The following DRC8 variants were observed in gnomAD, a reference collection of about 807,000 sequenced individuals.
DRC8 encodes dynein regulatory complex subunit 8, also known as dynein regulatory complex protein 8.
chr1:245,005,172 G>T, the DRC8 span, among the ~76,000 whole-genome samples: 4 of 152,064 alleles, frequency 2.6e-5, no homozygotes, highest in African/African-American at 9.6e-5. Flanking sequence ...ATGTTTTCAA[G>T]TGTTTTGTTG....
chr1:244,995,625 A>G, the DRC8 span, among the ~76,000 whole-genome samples: 306 of 152,232 alleles, frequency 2.0e-3, 7 homozygotes, highest in Admixed American at 0.019. Flanking sequence ...TGTGGATGAC[A>G]GGCATGAGAC....
At chr1:245,115,804 G>A in the DRC8 span, among the ~76,000 whole-genome samples, 1 of 152,156 alleles carries the variant, frequency 6.6e-6, no homozygotes, top group Non-Finnish European at 1.5e-5. Flanking sequence ...TGACCACCTG[G>A]GCCTGGTGCC....
the DRC8 span, among the ~76,000 whole-genome samples, chr1:245,055,377 T>C: frequency 9.8e-5 from 15 of 152,354 alleles, no homozygotes; most frequent in African/African-American, 2.2e-4. Context: ...TGGAGTACAA[T>C]TGCAGGATCA....
the DRC8 span, among the ~76,000 whole-genome samples, chr1:245,028,376 G>A: frequency 1.3e-5 from 2 of 152,094 alleles, no homozygotes; most frequent in Non-Finnish European, 2.9e-5. Context: ...ATTGTGACTG[G>A]GCTAGAATTA....
chr1:244,993,027 C>T, the DRC8 span, among the ~76,000 whole-genome samples: 1 of 152,176 alleles, frequency 6.6e-6, no homozygotes, highest in Non-Finnish European at 1.5e-5. Flanking sequence ...CTATAGGCCA[C>T]TTGACTGTAC....
the DRC8 span, among the ~76,000 whole-genome samples, chr1:245,109,573 C>T: frequency 6.6e-6 from 1 of 152,234 alleles, no homozygotes; most frequent in African/African-American, 2.4e-5. Context: ...ACTGATAATA[C>T]TGGCCGCACG....
chr1:245,059,291 T>G, the DRC8 span: 9 of 821,278 alleles, frequency 1.1e-5, no homozygotes, highest in East Asian at 1.1e-4. Context: ...TGATTTGGTT[T>G]CCTACATTAC....
the DRC8 span, among the ~76,000 whole-genome samples, chr1:244,994,780 C>A: frequency 5.0e-4 from 76 of 152,278 alleles, no homozygotes; most frequent in African/African-American, 1.7e-3. Context: ...CTGTAAGACT[C>A]ACCCTCAAAC....
At chr1:245,044,019 C>T in the DRC8 span, 4 of 152,242 alleles carry the variant, frequency 2.6e-5, no homozygotes, top group Non-Finnish European at 4.4e-5. Flanking sequence ...ATTTGTGAAG[C>T]GTTCCATATT....
the DRC8 span, among the ~76,000 whole-genome samples, chr1:245,006,005 T>C: frequency 1.3e-5 from 2 of 152,176 alleles, no homozygotes; most frequent in African/African-American, 2.4e-5. Context: ...CTACAGAGAC[T>C]TCCTGCCTAG....
the DRC8 span, among the ~76,000 whole-genome samples, chr1:245,069,765 G>C: frequency 6.6e-6 from 1 of 152,188 alleles, no homozygotes; most frequent in Non-Finnish European, 1.5e-5. Flanking sequence ...AGATGGGCTG[G>C]GCATGGGGGT....
At chr1:245,014,561 A>G in the DRC8 span, among the ~76,000 whole-genome samples, 1 of 151,162 alleles carries the variant, frequency 6.6e-6, no homozygotes, top group African/African-American at 2.4e-5. Context: ...TGTGTAAATT[A>G]TGTTGCAACC....
At chr1:245,107,211 G>A in the DRC8 span, 1 of 152,270 alleles carries the variant, frequency 6.6e-6, no homozygotes. Flanking sequence ...TGAGAGCAGC[G>A]AGGCAGGAGT....
At chr1:245,086,406 T>C in the DRC8 span, among the ~76,000 whole-genome samples, 29 of 152,356 alleles carry the variant, frequency 1.9e-4, no homozygotes, top group Middle Eastern at 3.4e-3. Flanking sequence ...TAAGTACATT[T>C]ATGCTATATA....
chr1:245,006,607 A>C, the DRC8 span, among the ~76,000 whole-genome samples: 3 of 152,070 alleles, frequency 2.0e-5, no homozygotes, highest in African/African-American at 7.2e-5. Flanking sequence ...ATGACAATGG[A>C]AATGGAAGGG....
the DRC8 span, among the ~76,000 whole-genome samples, chr1:245,041,118 C>T: frequency 2.0e-3 from 303 of 152,088 alleles, 3 homozygotes; most frequent in Middle Eastern, 0.027. Flanking sequence ...AAGTAATTTT[C>T]GAGATAAGAA....
chr1:245,066,196 C>T, the DRC8 span, among the ~76,000 whole-genome samples: 3 of 152,010 alleles, frequency 2.0e-5, no homozygotes, highest in South Asian at 2.1e-4. Context: ...TGTTTCTTTA[C>T]TGCAATTTTA....
the DRC8 span, among the ~76,000 whole-genome samples, chr1:245,023,590 T>C: frequency 6.6e-6 from 1 of 152,222 alleles, no homozygotes; most frequent in Non-Finnish European, 1.5e-5. Flanking sequence ...GTTGTTTCTC[T>C]AATAACCATC....
At chr1:245,039,052 T>G in the DRC8 span, among the ~76,000 whole-genome samples, 3 of 146,498 alleles carry the variant, frequency 2.0e-5, no homozygotes, top group Non-Finnish European at 4.5e-5. Context: ...AGGAATCTAG[T>G]ATGCCATTAT....
Sources: gnomAD v4.1 joint callset for allele counts (sites outside exome capture counted in the v4.1 genomes callset) on GRCh38, gnomAD v4.1.1 for gene constraint, MANE v1.5 for transcripts, NCBI Gene and HGNC (gene_info 2026-07-23, HGNC 2026-07-21) for gene names.